Variants in SH3RF2 observed in about 807,000 individuals in gnomAD.
SH3RF2 encodes the protein E3 ubiquitin-protein ligase SH3RF2.
SH3RF2 carries 43 observed loss-of-function variants against 59.0 expected under a neutral mutation model. The observed-to-expected ratio is 0.73, with a 90% CI of 0.57 to 0.94. SH3RF2 has a LOEUF of 0.94. Ranked by LOEUF, SH3RF2 falls within the 40% of genes least tolerant of loss-of-function variation. The probability of loss-of-function intolerance (pLI) is 0.00; values close to 1 mark genes in which losing one functional copy is unlikely to be tolerated. For missense variants in SH3RF2, 930 were observed against 940.1 expected, an observed-to-expected ratio of 0.99 and a Z score of 0.14; for synonymous variants, 391 against 391.5, an observed-to-expected ratio of 1.00 and a Z score of 0.01.
chr5:146,079,677 C>G (rs184756712), exon 10 of SH3RF2: 1 of 152,322 alleles, frequency 6.6e-6, no homozygotes, highest in Admixed American at 6.5e-5. Flanking sequence ...GAAGCTATCA[C>G]ATGCAGGGGT....
intron 7 of SH3RF2, among the ~76,000 whole-genome samples, chr5:146,051,453 GTGAAT>G (rs1762493771): frequency 6.6e-6 from 1 of 152,222 alleles, no homozygotes; most frequent in Non-Finnish European, 1.5e-5. Flanking sequence ...AGAGGTGATG[GTGAAT>G]TGAACCGAAG....
At chr5:145,979,652 A>G (rs139818321) in intron 2 of SH3RF2, among the ~76,000 whole-genome samples, 179 of 152,300 alleles carry the variant, frequency 1.2e-3, no homozygotes, top group African/African-American at 4.0e-3. Flanking sequence ...AAATTTAACA[A>G]TTGGCTTTCA....
chr5:145,974,635 G>A (rs6891792), intron 2 of SH3RF2, among the ~76,000 whole-genome samples: 1 of 152,002 alleles, frequency 6.6e-6, no homozygotes, highest in Non-Finnish European at 1.5e-5. Flanking sequence ...CTATTGTAAC[G>A]ACTTACAAAA....
chr5:146,024,427 A>C (rs956078281), intron 5 of SH3RF2, among the ~76,000 whole-genome samples: 3 of 152,162 alleles, frequency 2.0e-5, no homozygotes, highest in Admixed American at 6.5e-5. Flanking sequence ...TTTCCTTATT[A>C]TTATTGAGTT....
At chr5:145,994,729 A>G (rs1008921766) in intron 2 of SH3RF2, among the ~76,000 whole-genome samples, 1 of 152,128 alleles carries the variant, frequency 6.6e-6, no homozygotes, top group African/African-American at 2.4e-5. Flanking sequence ...TTGGGTGGGG[A>G]CACAGCCAAA....
intron 8 of SH3RF2, among the ~76,000 whole-genome samples, chr5:146,058,851 G>C (rs1762774708): frequency 6.8e-6 from 1 of 147,652 alleles, no homozygotes; most frequent in Non-Finnish European, 1.5e-5. Flanking sequence ...ACCTTTTCCT[G>C]AGACAGGACC....
downstream of SH3RF2, chr5:146,063,465 T>C (rs975387665): frequency 3.9e-5 from 6 of 152,252 alleles, no homozygotes; most frequent in African/African-American, 1.4e-4. Flanking sequence ...TATGGACAAT[T>C]AATTCATCCT....
At chr5:146,002,057 G>C (rs867928707) in intron 3 of SH3RF2, among the ~76,000 whole-genome samples, 1 of 152,154 alleles carries the variant, frequency 6.6e-6, no homozygotes, top group African/African-American at 2.4e-5. Context: ...TACTAAAAGG[G>C]AGCCACTGTG....
Position 145,938,071 on chromosome 5 carries a change from G to A in SH3RF2, c.143G>A (p.Arg48Gln), listed in dbSNP as rs781325566. ...QRVFKAHKEL[R>Q]CPECRTPVFS... ...GTTTTCAAGGCCCACAAAGAGCTGC[G>A]GTGCCCCGAATGCAGGACGCCTGTG... The change falls in exon 2 of 10, where the codon CGG becomes CAG. Residue 48 changes from arginine (R) to glutamine (Q), a missense_variant. Physicochemically the swap from Arg to Gln is conservative, Grantham distance 43. Coordinates refer to ENST00000359120, the MANE Select transcript of SH3RF2 (RefSeq NM_152550.4). 1.9e-6 allele frequency: 3 copies of A among 1,614,190 alleles called. No individual in the cohort carries two copies. The highest frequency in any genetic ancestry group is 1.1e-5 in the South Asian group (1 of 91,086).
chr5:146,013,705 A>C, intron 4 of SH3RF2, 42 bp from the exon 5 acceptor site: 1 of 1,608,756 alleles, frequency 6.2e-7, no homozygotes. Flanking sequence ...CTCACATTAG[A>C]TCAGGAAGAC....
At chr5:146,058,181 C>A (rs925626434) in intron 8 of SH3RF2, among the ~76,000 whole-genome samples, 1 of 152,084 alleles carries the variant, frequency 6.6e-6, no homozygotes, top group African/African-American at 2.4e-5. Context: ...AGCATTAAAT[C>A]TCTTGGAAAT....
At chr5:145,973,420 A>G (rs1454982086) in intron 2 of SH3RF2, among the ~76,000 whole-genome samples, 1 of 152,206 alleles carries the variant, frequency 6.6e-6, no homozygotes, top group Non-Finnish European at 1.5e-5. Flanking sequence ...TCAGAAACCA[A>G]TTGAACTTCT....
intron 5 of SH3RF2, among the ~76,000 whole-genome samples, chr5:146,031,952 A>T (rs953134827): frequency 6.6e-6 from 1 of 152,170 alleles, no homozygotes; most frequent in South Asian, 2.1e-4. Context: ...TGCATGCTCC[A>T]GGGGTAAGAG....
At chr5:145,975,122 G>A (rs12521709) in intron 2 of SH3RF2, among the ~76,000 whole-genome samples, 14,348 of 152,242 alleles carry the variant, frequency 0.094, 991 homozygotes, top group East Asian at 0.25. Context: ...AGCTTCTGTG[G>A]GAGAACATCT....
At position 145,937,980 on chromosome 5, in the gene SH3RF2, A is replaced by G. The variant is rs1757661510; in HGVS notation, c.52A>G (p.Lys18Glu). 1.4e-5 allele frequency: 22 copies of G among 1,614,178 alleles called. No individual in the cohort carries two copies. The highest frequency in any genetic ancestry group is 1.9e-5 in the Non-Finnish European group (22 of 1,180,036). The change falls in exon 2 of 10, where the codon AAG (lysine) becomes GAG (glutamate). Residue 18 changes from lysine (K) to glutamate (E), a missense_variant. By Grantham distance (56) the Lys-to-Glu change is moderately conservative (BLOSUM62 1). Transcript: ENST00000359120. ...DLLECPVCFEKLDVTAKVLPC... is the reference protein window; with the variant it reads ...DLLECPVCFEELDVTAKVLPC... ...TCTGGAGTGCCCTGTGTGCTTTGAG[A>G]AGCTCGATGTCACAGCCAAAGTCCT...
rs771067897 is a variant in SH3RF2, at chr5:146,062,442, G to A, written c.1931G>A (p.Arg644Lys). ...CTCTTGCAGCAAGTCAAAACCGTGA[G>A]ATTTCAGAATTACAGCCCTCCTCCC... ...NGIEKQVKTV[R>K]FQNYSPPPTK... The change falls in exon 10 of 10, where the codon AGA (arginine) becomes AAA (lysine). Residue 644 changes from arginine (R) to lysine (K), a missense_variant. Physicochemically the swap from Arg to Lys is conservative, Grantham distance 26. Transcript: ENST00000359120. 10 of 1,613,940 alleles carry A rather than the reference G, an allele frequency of 6.2e-6. No homozygotes were observed. The highest frequency in any genetic ancestry group is 6.8e-6 in the Non-Finnish European group (8 of 1,179,886).
At chr5:145,986,540 CT>C (rs1306341066) in intron 2 of SH3RF2, among the ~76,000 whole-genome samples, 24 of 152,182 alleles carry the variant, frequency 1.6e-4, no homozygotes, top group Admixed American at 1.6e-3. Context: ...CCACGTACCC[CT>C]TGCCCTTCTC....
intron 4 of SH3RF2, among the ~76,000 whole-genome samples, chr5:146,004,366 T>C (rs1440760353): frequency 1.3e-5 from 2 of 152,236 alleles, no homozygotes; most frequent in Admixed American, 6.5e-5. Context: ...TGTAAATTAG[T>C]GAAATCTCTC....
intron 9 of SH3RF2, among the ~76,000 whole-genome samples, chr5:146,061,896 C>T (rs952016412): frequency 6.6e-6 from 1 of 151,902 alleles, no homozygotes; most frequent in Non-Finnish European, 1.5e-5. Flanking sequence ...GTTGGCGAGT[C>T]GATCAAACCC....
Sources: gnomAD v4.1 joint callset for allele counts (sites outside exome capture counted in the v4.1 genomes callset) on GRCh38, gnomAD v4.1.1 for gene constraint, MANE v1.5 for transcripts, NCBI Gene and HGNC (gene_info 2026-07-23, HGNC 2026-07-21) for gene names.